KDR: variants seen among roughly 807,000 people sequenced by gnomAD.
KDR encodes the protein vascular endothelial growth factor receptor 2.
Under a neutral mutation model 160.9 loss-of-function variants are expected in KDR, and 43 were observed. The observed-to-expected ratio is 0.27, with a 90% CI of 0.21 to 0.34. The LOEUF (loss-of-function observed/expected upper bound fraction) is 0.34. Ranked by LOEUF, KDR falls within the 10% of genes least tolerant of loss-of-function variation. The pLI, the probability that KDR is intolerant of heterozygous loss-of-function variation, is 1.00. For synonymous variants in KDR, 617 were observed against 600.1 expected (o/e 1.03, Z -0.41); for missense variants, 1,469 against 1,666.4 (o/e 0.88, Z 2.06).
intron 18 of KDR, among the ~76,000 whole-genome samples, chr4:55,097,401 A>T (rs1296969525): frequency 6.6e-6 from 1 of 152,166 alleles, no homozygotes; most frequent in African/African-American, 2.4e-5. Context: ...ACTAAGTACA[A>T]CTGTGTTGGC....
At chr4:55,114,398 T>C in intron 5 of KDR, 133 bp from the exon 6 acceptor site, 1 of 898,846 alleles carries the variant, frequency 1.1e-6, no homozygotes, top group Non-Finnish European at 1.7e-6. Context: ...TCACCAATAC[T>C]TGGTAGCTCC....
intron 16 of KDR, 91 bp from the exon 17 acceptor site, chr4:55,098,363 C>T: frequency 6.9e-7 from 1 of 1,448,956 alleles, no homozygotes; most frequent in Non-Finnish European, 9.6e-7. Context: ...GAGCCTCATT[C>T]CTGTCTCATT....
Position 55,115,528 on chromosome 4 carries a change from C to G in KDR, c.359-117G>C, listed in dbSNP as rs147691283. ...GAATGACTGGAAGGGACACCTCACACAACCAAAGGCATCCACAGATTATTC... is the reference window on the plus strand; with the variant it reads ...GAATGACTGGAAGGGACACCTCACAGAACCAAAGGCATCCACAGATTATTC... On this transcript the variant is annotated intron_variant, in intron 3 of 29. Transcript: ENST00000263923. The G allele has an allele frequency of 1.5e-4, 99 of 661,692 alleles. No homozygotes were observed. In the African/African-American group the frequency reaches 1.6e-3, roughly 11 times the overall value. 41.0% of individuals were successfully genotyped at this position (661,692 alleles called of 1,614,324 possible). A position where few individuals can be genotyped will look rare whatever the true frequency, so the allele number is the denominator to read the frequency against.
chr4:55,078,875 GT>G lies in KDR; in HGVS notation c.*1065del, dbSNP rs2110002702. The G allele has an allele frequency of 4.3e-6, 1 of 233,232 alleles. No individual in the cohort carries two copies. The highest frequency in any genetic ancestry group is 8.5e-6 in the Non-Finnish European group (1 of 118,024). 14.4% of individuals were successfully genotyped at this position (233,232 alleles called of 1,614,324 possible). The stretch of plus-strand genomic sequence containing the variant: ...TCAGAGAGTGAACAAACCCAATCAG[GT>G]TTACTGGAGTAGAGGCCAAATAACT... On this transcript the variant is annotated 3_prime_UTR_variant, in exon 30 of 30. Coordinates refer to ENST00000263923, the MANE Select transcript of KDR (RefSeq NM_002253.4).
intron 22 of KDR, among the ~76,000 whole-genome samples, chr4:55,090,342 C>G (rs1222795602): frequency 6.6e-6 from 1 of 152,198 alleles, no homozygotes; most frequent in South Asian, 2.1e-4. Context: ...ATAGGCTCCT[C>G]TAGGACACAA....
Position 55,098,694 on chromosome 4 carries a change from T to G in KDR, c.2373+3A>C. On this transcript the variant is annotated splice_donor_region_variant and intron_variant, in intron 16 of 29. Transcript: ENST00000263923. ...ATGGGCAGAAGGGAAATTATTTTTT[T>G]ACCCGCTTAACGGTCCGTAGGATGA... 6.2e-7 allele frequency: 1 copy of G among 1,606,608 alleles called. No individual in the cohort carries two copies. The highest frequency in any genetic ancestry group is 8.5e-7 in the Non-Finnish European group (1 of 1,173,344).
chr4:55,094,101 C>G (rs919695969), intron 21 of KDR, among the ~76,000 whole-genome samples: 1 of 151,776 alleles, frequency 6.6e-6, no homozygotes, highest in East Asian at 1.9e-4. Context: ...CCCAGCTACT[C>G]GGAAGGCTGA....
At chr4:55,091,716 GTCTT>G (rs1288889498) in intron 22 of KDR, among the ~76,000 whole-genome samples, 4 of 152,144 alleles carry the variant, frequency 2.6e-5, no homozygotes, top group Middle Eastern at 3.2e-3. Flanking sequence ...TATGACTTAA[GTCTT>G]TCTTTCTTCA....
At chr4:55,118,455 G>C (rs1287958019) in intron 3 of KDR, 149 bp downstream of exon 3, 1 of 697,964 alleles carries the variant, frequency 1.4e-6, no homozygotes, top group East Asian at 2.7e-5. Flanking sequence ...ATTTCTCAGA[G>C]AAAGCCTCAG....
intron 29 of KDR, among the ~76,000 whole-genome samples, chr4:55,080,369 G>C (rs1372100307): frequency 6.6e-6 from 1 of 152,178 alleles, no homozygotes; most frequent in Non-Finnish European, 1.5e-5. Context: ...TTGCAGATAA[G>C]TCCTCTTACT....
Position 55,121,110 on chromosome 4 carries a change from G to C in KDR, c.148C>G (p.Gln50Glu). 1 of 1,610,190 alleles carries C rather than the reference G, an allele frequency of 6.2e-7. No individual in the cohort carries two copies. The highest frequency in any genetic ancestry group is 1.3e-5 in the African/African-American group (1 of 74,964). ...ILTIKANTTL[Q>E]ITCRGQRDLD... Reference sequence around the variant, plus strand: ...ATGAATCCTTACCTGCAAGTAATTTGAAGAGTTGTATTAGCCTTAATTGTA... The same window carrying C: ...ATGAATCCTTACCTGCAAGTAATTTCAAGAGTTGTATTAGCCTTAATTGTA... Residue 50 changes from glutamine (Q) to glutamate (E), a missense_variant, in exon 2 of 30, where the codon CAA (glutamine) becomes GAA (glutamate). Gln to Glu is a conservative substitution (Grantham distance 29). Around this residue, in one of 7 missense-constraint regions of KDR, gnomAD observed 792 missense variants for 840.9 expected, o/e 0.94. Transcript: ENST00000263923.
intron 7 of KDR, among the ~76,000 whole-genome samples, chr4:55,112,442 G>T (rs1720611868): frequency 6.6e-6 from 1 of 151,430 alleles, no homozygotes; most frequent in African/African-American, 2.4e-5. Context: ...TGTGTTAATT[G>T]ACTGTTTATG....
intron 7 of KDR, 32 bp from the exon 8 acceptor site, chr4:55,110,800 C>G: frequency 7.1e-7 from 1 of 1,409,350 alleles, no homozygotes; most frequent in South Asian, 1.2e-5. Context: ...AAAAGGTCAA[C>G]TTACTGTAAA....
chr4:55,120,697 CATA>C (rs1309539343), intron 2 of KDR, among the ~76,000 whole-genome samples: 1 of 152,158 alleles, frequency 6.6e-6, no homozygotes, highest in Non-Finnish European at 1.5e-5. Context: ...TCATACCAAG[CATA>C]ATAAATATAG....
At chr4:55,104,093 G>T (rs1389030634) in intron 13 of KDR, among the ~76,000 whole-genome samples, 1 of 152,146 alleles carries the variant, frequency 6.6e-6, no homozygotes, top group Non-Finnish European at 1.5e-5. Flanking sequence ...AGTCTTCTAG[G>T]TCTTAAACGC....
chr4:55,112,966 T>C (rs1200402565), intron 7 of KDR, among the ~76,000 whole-genome samples: 1 of 152,214 alleles, frequency 6.6e-6, no homozygotes, highest in Non-Finnish European at 1.5e-5. Flanking sequence ...CTTATTCAAG[T>C]AGGCCTCTCA....
At chr4:55,125,150 G>A (rs1407557834) in intron 1 of KDR, 77 bp downstream of exon 1, 11 of 1,313,986 alleles carry the variant, frequency 8.4e-6, no homozygotes, top group Admixed American at 1.9e-5. Context: ...CTACGATTCC[G>A]AGTTAGATCT....
intron 3 of KDR, among the ~76,000 whole-genome samples, chr4:55,116,447 C>CCAATCAAACATTACTCATACAATGT (rs1720738869): frequency 6.6e-6 from 1 of 150,866 alleles, no homozygotes; most frequent in African/African-American, 2.4e-5. Flanking sequence ...GATTTCAAGG[C>CCAATCAAACATTACTCATACAATGT]CAATCAAACA....
intron 15 of KDR, among the ~76,000 whole-genome samples, chr4:55,099,567 G>A (rs763829733): frequency 3.3e-5 from 5 of 152,150 alleles, no homozygotes; most frequent in Non-Finnish European, 7.4e-5. Context: ...TTTGATCTGT[G>A]CAGAGTTTGC....
Sources: allele counts gnomAD v4.1 joint callset (sites outside exome capture counted in the v4.1 genomes callset), GRCh38; gene constraint gnomAD v4.1.1; regional missense constraint gnomAD v4.1.1; transcripts MANE v1.5; gene names NCBI Gene and HGNC (gene_info 2026-07-23, HGNC 2026-07-21).